PLA2G6: variants seen among roughly 807,000 people sequenced by gnomAD.
The protein encoded by PLA2G6 is phospholipase A2 group VI, also known as 85/88 kDa calcium-independent phospholipase A2.
In PLA2G6, 62 loss-of-function variants were observed where a neutral mutation model predicts 83.8. The ratio of observed to expected loss-of-function variants is 0.74; its 90% CI spans 0.60 to 0.91. The LOEUF (loss-of-function observed/expected upper bound fraction) is 0.91, where lower values mean the gene tolerates loss of function less well. Among genes scored for constraint, PLA2G6 ranks in the 40% least tolerant of loss-of-function variants. The pLI, the probability that PLA2G6 is intolerant of heterozygous loss-of-function variation, is 0.00. For synonymous variants in PLA2G6, 417 were observed against 449.8 expected (o/e 0.93, Z 0.92); for missense variants, 944 against 1,102.0 (o/e 0.86, Z 2.03).
Position 38,143,284 on chromosome 22 carries a change from C to A in PLA2G6, c.430G>T (p.Ala144Ser). Residue 144 changes from alanine to serine, a missense_variant, in exon 4 of 17, where the codon GCC becomes TCC. Ala to Ser is a moderately conservative substitution (Grantham distance 99). Coordinates refer to ENST00000332509, the MANE Select transcript of PLA2G6 (RefSeq NM_003560.4). ...CFHHSRIISCANCAENEEGCT... is the reference protein window; with the variant it reads ...CFHHSRIISCSNCAENEEGCT... ...CCCTCCTCGTTCTCCGCGCAATTGG[C>A]ACAGCTGCAGGAGAGGGCCAGGGTG... 6.2e-7 allele frequency: 1 copy of A among 1,611,308 alleles called. No homozygotes were observed. The highest frequency in any genetic ancestry group is 8.5e-7 in the Non-Finnish European group (1 of 1,179,998).
At chr22:38,120,977 G>GC (rs1388832667) in intron 11 of PLA2G6, 68 bp from the exon 12 acceptor site, 5 of 1,583,388 alleles carry the variant, frequency 3.2e-6, no homozygotes, top group Non-Finnish European at 4.3e-6. Context: ...AGAACAGCCT[G>GC]CAGAGCGCCT....
chr22:38,176,432 C>T (rs1457585964), intron 1 of PLA2G6, among the ~76,000 whole-genome samples: 2 of 152,304 alleles, frequency 1.3e-5, no homozygotes, highest in South Asian at 2.1e-4. Context: ...TCAGGCCTCA[C>T]GAGCCCCAGC....
At position 38,120,897 on chromosome 22, in the gene PLA2G6, G is replaced by C; in HGVS notation, c.1604C>G (p.Ala535Gly). 6.2e-7 allele frequency: 1 copy of C among 1,613,582 alleles called. No individual in the cohort carries two copies. The highest frequency in any genetic ancestry group is 8.5e-7 in the Non-Finnish European group (1 of 1,180,004). The part of the protein sequence containing the change: ...ALAILHSKSM[A>G]YMRGMYFRMK... ...GCGAAAGTACATGCCGCGCATGTAG[G>C]CCATGGACTTACCTAGGAACAAAGG... Residue 535 changes from alanine to glycine, a missense_variant, in exon 12 of 17, where the codon GCC (alanine) becomes GGC (glycine). Physicochemically the swap from Ala to Gly is moderately conservative, Grantham distance 60 (BLOSUM62 0). Transcript: ENST00000332509.
At chr22:38,118,453 A>G (rs2087336234) in intron 12 of PLA2G6, among the ~76,000 whole-genome samples, 2 of 152,262 alleles carry the variant, frequency 1.3e-5, no homozygotes, top group South Asian at 4.1e-4. Flanking sequence ...ATCCTGGTCC[A>G]AATCAATTAT....
At chr22:38,142,611 TA>T (rs1390871058) in intron 4 of PLA2G6, 58 of 215,588 alleles carry the variant, frequency 2.7e-4, no homozygotes, top group South Asian at 9.9e-4. Flanking sequence ...ACAGCTGATC[TA>T]AAAAAAAGGT....
At chr22:38,172,937 A>T (rs2413503) in intron 1 of PLA2G6, among the ~76,000 whole-genome samples, 77,513 of 152,152 alleles carry the variant, frequency 0.51, 20,293 homozygotes, top group South Asian at 0.64. Context: ...CCTTCAGGGT[A>T]GGCAGGAGGA....
intron 2 of PLA2G6, chr22:38,148,292 T>C (rs1031233510): frequency 5.6e-6 from 3 of 533,350 alleles, no homozygotes; most frequent in Non-Finnish European, 1.0e-5. Flanking sequence ...AAGGAAAGGA[T>C]AGCGAATGGG....
At chr22:38,113,967 G>A (rs2087034624) in intron 14 of PLA2G6, 2 of 460,470 alleles carry the variant, frequency 4.3e-6, no homozygotes, top group South Asian at 3.8e-5. Context: ...GTCGTGGCCA[G>A]GGGAGGAAAG....
At chr22:38,116,464 A>G in intron 12 of PLA2G6, 2 of 660,714 alleles carry the variant, frequency 3.0e-6, no homozygotes, top group Admixed American at 4.2e-5. Context: ...AATCCAATGG[A>G]AAAACCTGTT....
chr22:38,126,612 C>A (rs2087876530), intron 9 of PLA2G6, 163 bp from the exon 10 acceptor site: 1 of 663,532 alleles, frequency 1.5e-6, no homozygotes, highest in Admixed American at 2.1e-5. Context: ...GGACTCTGTC[C>A]CAGGAGAAAG....
At chr22:38,119,540 A>G (rs550574290) in intron 12 of PLA2G6, among the ~76,000 whole-genome samples, 1 of 152,358 alleles carries the variant, frequency 6.6e-6, no homozygotes, top group East Asian at 1.9e-4. Flanking sequence ...AACGAGAAAT[A>G]AAAAGCACAA....
At chr22:38,165,343 A>G (rs2090173517) in intron 2 of PLA2G6, among the ~76,000 whole-genome samples, 1 of 152,226 alleles carries the variant, frequency 6.6e-6, no homozygotes, top group East Asian at 1.9e-4. Context: ...CCAGGAAAGC[A>G]GGATCCCCAG....
chr22:38,148,078 T>C (rs1002638984), intron 2 of PLA2G6: 5 of 200,694 alleles, frequency 2.5e-5, no homozygotes, highest in African/African-American at 9.6e-5. Flanking sequence ...ACATCAAGTG[T>C]TGCCGATATG....
chr22:38,123,367 C>T lies in PLA2G6; in HGVS notation c.1428-109G>A. On this transcript the variant is annotated intron_variant, in intron 10 of 16. Transcript: ENST00000332509. The surrounding 1 kb of genome is among the most constrained non-coding windows in gnomAD (Gnocchi z 4.1). ...GCAGCTGTGTCCTGGCAGACAGACCCAGACGGACCCGAGGAACTTCTGTCC... is the reference window on the plus strand; with the variant it reads ...GCAGCTGTGTCCTGGCAGACAGACCTAGACGGACCCGAGGAACTTCTGTCC... 1 of 1,174,346 alleles carries T rather than the reference C, an allele frequency of 8.5e-7. No individual in the cohort carries two copies. 72.7% of individuals were successfully genotyped at this position (1,174,346 alleles called of 1,614,324 possible).
At chr22:38,145,415 A>T in intron 3 of PLA2G6, 23 bp downstream of exon 3, 1 of 1,577,106 alleles carries the variant, frequency 6.3e-7, no homozygotes, top group Non-Finnish European at 8.6e-7. Context: ...ACGTTGTCCA[A>T]ATGGTCTTGT....
chr22:38,116,299 TAGCAGA>T, intron 12 of PLA2G6, 88 bp from the exon 13 acceptor site: 2 of 1,432,352 alleles, frequency 1.4e-6, no homozygotes, highest in Non-Finnish European at 2.0e-6. Context: ...GGGCCTTGGG[TAGCAGA>T]GTGCCCACTC....
At position 38,134,668 on chromosome 22, in the gene PLA2G6, G is replaced by A. The variant is rs142590735; in HGVS notation, c.894+320C>T. 43 of 360,948 alleles carry A rather than the reference G, an allele frequency of 1.2e-4. No individual in the cohort carries two copies. In the East Asian group the frequency reaches 2.2e-3, roughly 18 times the overall value. The allele number at this position is 360,948 out of a possible 1,614,324, so 22.4% of individuals were successfully genotyped here. A position where few individuals can be genotyped will look rare whatever the true frequency, so the allele number is the denominator to read the frequency against. The stretch of plus-strand genomic sequence containing the variant: ...TGACTAATAATACAATCATCATCAC[G>A]CCACCTTCTATTTGGGAAGCACTTT... On this transcript the variant is annotated intron_variant, in intron 6 of 16. Transcript: ENST00000332509.
intron 7 of PLA2G6, chr22:38,131,915 G>A (rs781284287): frequency 1.2e-5 from 4 of 330,162 alleles, no homozygotes; most frequent in Non-Finnish European, 2.4e-5. Flanking sequence ...AGGAGTTCGA[G>A]ACCAGCCTGG....
In PLA2G6 at chr22:38,181,016, G is replaced by A. The variant is rs375441646; in HGVS notation, c.-46+648C>T. On this transcript the variant is annotated intron_variant, in intron 1 of 16. Coordinates refer to ENST00000332509, the MANE Select transcript of PLA2G6 (RefSeq NM_003560.4). Reference sequence around the variant, plus strand: ...GGGAGGTATTCGTTGGGGTCATGTGGGTAGCCCATTAAAAATACGGCCACA... The same window carrying A: ...GGGAGGTATTCGTTGGGGTCATGTGAGTAGCCCATTAAAAATACGGCCACA... 2.0e-3 allele frequency among the ~76,000 whole-genome samples: 297 copies of A among 152,172 alleles called. 1 individual carries two copies. The highest frequency in any genetic ancestry group is 7.0e-3 in the African/African-American group (291 of 41,516).
Sources: gnomAD v4.1 joint callset for allele counts (sites outside exome capture counted in the v4.1 genomes callset) on GRCh38, gnomAD v4.1.1 for gene constraint, Gnocchi (gnomAD v3.1) non-coding constraint, MANE v1.5 for transcripts, NCBI Gene and HGNC (gene_info 2026-07-23, HGNC 2026-07-21) for gene names.